The following MLLT10 variants were observed in gnomAD, a reference collection of about 807,000 sequenced individuals.
The protein encoded by MLLT10 is protein AF-10.
In MLLT10, 30 loss-of-function variants were observed where a neutral mutation model predicts 129.1. That is an observed-to-expected ratio of 0.23 (90% CI 0.17 to 0.32). MLLT10 has a LOEUF of 0.32. Among genes scored for constraint, MLLT10 ranks in the 10% least tolerant of loss-of-function variants. MLLT10 has a pLI of 1.00. For missense variants in MLLT10, 1,119 were observed against 1,268.3 expected (o/e 0.88, Z 1.79); for synonymous variants, 490 against 446.4 (o/e 1.10, Z -1.23).
At chr10:21,547,920 A>G (rs2036376316) in intron 3 of MLLT10, among the ~76,000 whole-genome samples, 2 of 152,102 alleles carry the variant, frequency 1.3e-5, no homozygotes, top group African/African-American at 4.8e-5. Context: ...TTTTTGTTCA[A>G]TCTAGCCTTT....
intron 5 of MLLT10, among the ~76,000 whole-genome samples, chr10:21,609,939 A>T (rs1439366734): frequency 1.3e-5 from 2 of 152,010 alleles, no homozygotes; most frequent in African/African-American, 4.8e-5. Flanking sequence ...TTTGACAAAA[A>T]CCTTAAGCAT....
At chr10:21,663,497 C>G (rs1406324646) in intron 9 of MLLT10, among the ~76,000 whole-genome samples, 1 of 152,012 alleles carries the variant, frequency 6.6e-6, no homozygotes, top group Non-Finnish European at 1.5e-5. Context: ...CTGCCTCAGC[C>G]TCCCAAGTAG....
At chr10:21,591,729 T>A (rs2131115384) in intron 4 of MLLT10, among the ~76,000 whole-genome samples, 1 of 152,142 alleles carries the variant, frequency 6.6e-6, no homozygotes, top group South Asian at 2.1e-4. Flanking sequence ...ACAACTTTTT[T>A]TTTTTCCTTT....
chr10:21,610,984 C>CTTTTTTTTTTTTTTTTTTTTTTTCT (rs71393913), intron 5 of MLLT10, among the ~76,000 whole-genome samples: 2 of 102,886 alleles, frequency 1.9e-5, no homozygotes, highest in Non-Finnish European at 3.9e-5. Flanking sequence ...TCTTTTTTCT[C>CTTTTTTTTTTTTTTTTTTTTTTTCT]TTTTTTTTTT....
At chr10:21,713,711 T>C (rs2056311056) in intron 13 of MLLT10, 61 bp from the exon 14 acceptor site, 4 of 1,444,844 alleles carry the variant, frequency 2.8e-6, no homozygotes, top group Admixed American at 3.7e-5. Flanking sequence ...TTACTGATTA[T>C]GTGTGTCTGT....
At chr10:21,707,906 T>A (rs999580478) in intron 13 of MLLT10, among the ~76,000 whole-genome samples, 1 of 152,238 alleles carries the variant, frequency 6.6e-6, no homozygotes, top group African/African-American at 2.4e-5. Context: ...CTTTGTCTAG[T>A]TAACACCTAC....
chr10:21,552,435 G>A (rs2037231051), intron 3 of MLLT10, among the ~76,000 whole-genome samples: 1 of 133,256 alleles, frequency 7.5e-6, no homozygotes, highest in South Asian at 2.3e-4. Flanking sequence ...TTGTCACCCA[G>A]GCCAGAGTAT....
intron 5 of MLLT10, among the ~76,000 whole-genome samples, chr10:21,611,176 T>C (rs1004521144): frequency 4.0e-5 from 6 of 149,512 alleles, no homozygotes; most frequent in Non-Finnish European, 8.9e-5. Flanking sequence ...TTTTTTTTTT[T>C]TTTTGTAATT....
Position 21,742,091 on chromosome 10 carries a change from A to C in MLLT10, c.*108A>C. On this transcript the variant is annotated 3_prime_UTR_variant, in exon 23 of 23. Transcript: ENST00000307729. ...ATGAAGAAACGCAACAAGAAACTCAATGCACAACAAAGGATTAATTGCTGC... is the reference window on the plus strand; with the variant it reads ...ATGAAGAAACGCAACAAGAAACTCACTGCACAACAAAGGATTAATTGCTGC... 1 of 947,564 alleles carries C rather than the reference A, an allele frequency of 1.1e-6. No homozygotes were observed. The highest frequency in any genetic ancestry group is 1.6e-6 in the Non-Finnish European group (1 of 607,946). 58.7% of individuals were successfully genotyped at this position (947,564 alleles called of 1,614,324 possible). A position where few individuals can be genotyped will look rare whatever the true frequency, so the allele number is the denominator to read the frequency against.
At chr10:21,555,742 G>A (rs914588564) in intron 3 of MLLT10, among the ~76,000 whole-genome samples, 8 of 148,734 alleles carry the variant, frequency 5.4e-5, no homozygotes, top group Non-Finnish European at 1.0e-4. Context: ...ATCTTGGGTC[G>A]CCACAACCTC....
At chr10:21,660,217 C>A (rs986426557) in intron 9 of MLLT10, among the ~76,000 whole-genome samples, 1 of 151,818 alleles carries the variant, frequency 6.6e-6, no homozygotes. Context: ...TTTGCCCCCC[C>A]TTAACCCACC....
At chr10:21,676,550 G>A (rs1479141304) in intron 11 of MLLT10, among the ~76,000 whole-genome samples, 2 of 151,236 alleles carry the variant, frequency 1.3e-5, no homozygotes, top group Admixed American at 1.3e-4. Context: ...GTGAAACCCG[G>A]TCTCTACTAA....
At position 21,537,123 on chromosome 10, in the gene MLLT10, C is replaced by T. The variant is rs375166104; in HGVS notation, c.161-1710C>T. 2.6e-5 allele frequency among the ~76,000 whole-genome samples: 4 copies of T among 152,224 alleles called. No individual in the cohort carries two copies. In the East Asian group the frequency reaches 5.8e-4, roughly 22 times the overall value. Reference sequence around the variant, plus strand: ...CTTTTGAGCTCAAGGGATCTGCCCGCCTTAGCCTCATAAAGTGCTGGGATT... The same window carrying T: ...CTTTTGAGCTCAAGGGATCTGCCCGTCTTAGCCTCATAAAGTGCTGGGATT... On this transcript the variant is annotated intron_variant, in intron 2 of 22. Coordinates refer to ENST00000307729, the MANE Select transcript of MLLT10 (RefSeq NM_001195626.3).
chr10:21,733,233 G>T, intron 18 of MLLT10, 146 bp downstream of exon 18: 1 of 780,636 alleles, frequency 1.3e-6, no homozygotes, highest in East Asian at 2.9e-5. Context: ...AAAGAATCCT[G>T]TTAAGTGATC....
intron 9 of MLLT10, among the ~76,000 whole-genome samples, chr10:21,657,239 A>G (rs1258283058): frequency 6.6e-6 from 1 of 151,932 alleles, no homozygotes; most frequent in African/African-American, 2.4e-5. Flanking sequence ...TAAAAATACA[A>G]AAAATTAGCT....
intron 13 of MLLT10, among the ~76,000 whole-genome samples, chr10:21,686,905 C>T (rs191556582): frequency 6.6e-6 from 1 of 152,170 alleles, no homozygotes; most frequent in Non-Finnish European, 1.5e-5. Context: ...ATTGCTTGAA[C>T]CCAGGAGGCG....
chr10:21,542,398 G>C (rs921506920), intron 3 of MLLT10, among the ~76,000 whole-genome samples: 1 of 152,036 alleles, frequency 6.6e-6, no homozygotes, highest in Admixed American at 6.6e-5. Context: ...TTAAAACCCC[G>C]TTTCTTCTAA....
chr10:21,740,716 A>G (rs537353967), intron 22 of MLLT10, among the ~76,000 whole-genome samples: 6 of 152,370 alleles, frequency 3.9e-5, no homozygotes, highest in African/African-American at 7.2e-5. Flanking sequence ...ATGGAATTCA[A>G]ATTTTTAGTT....
At chr10:21,608,357 A>G (rs547931567) in intron 5 of MLLT10, among the ~76,000 whole-genome samples, 54 of 151,364 alleles carry the variant, frequency 3.6e-4, no homozygotes, top group African/African-American at 1.3e-3. Flanking sequence ...TTTTTTTTAA[A>G]GTAGAGGTGA....
Sources: gnomAD v4.1 joint callset for allele counts (sites outside exome capture counted in the v4.1 genomes callset) on GRCh38, gnomAD v4.1.1 for gene constraint, MANE v1.5 for transcripts, NCBI Gene and HGNC (gene_info 2026-07-23, HGNC 2026-07-21) for gene names.